Variants in DCC observed in about 807,000 individuals in gnomAD.
DCC encodes DCC netrin 1 receptor, also known as netrin receptor DCC.
Under a neutral mutation model 172.5 loss-of-function variants are expected in DCC, and 58 were observed. The observed-to-expected ratio is 0.34, with a 90% CI of 0.27 to 0.42. The LOEUF is 0.42. DCC is among the 10% of genes least tolerant of loss of function. The pLI is 1.00. For synonymous variants in DCC, 709 were observed against 644.5 expected, an observed-to-expected ratio of 1.10 and a Z score of -1.52; for missense variants, 1,740 against 1,791.0, an observed-to-expected ratio of 0.97 and a Z score of 0.51.
In DCC at chr18:53,028,908, A is replaced by C. The variant is rs189116375; in HGVS notation, c.986-34397A>C. Reference sequence around the variant, plus strand: ...GGCTGAGAATTCTTGGAATGAAGAAAATTACCTTCTTAGAAAGTTTCCCAG... The same window carrying C: ...GGCTGAGAATTCTTGGAATGAAGAACATTACCTTCTTAGAAAGTTTCCCAG... On this transcript the variant is annotated intron_variant, in intron 5 of 28. Transcript: ENST00000442544. Among the ~76,000 whole-genome samples, 542 of 152,294 alleles carry C rather than the reference A, an allele frequency of 3.6e-3. 2 individuals carry two copies. Among genetic ancestry groups the C allele is most frequent in the Middle Eastern group, 0.01 (3 of 294 alleles).
chr18:52,608,051 C>G (rs1047988161), intron 1 of DCC, among the ~76,000 whole-genome samples: 2 of 152,032 alleles, frequency 1.3e-5, no homozygotes, highest in Non-Finnish European at 2.9e-5. Flanking sequence ...ATTTTGAGAG[C>G]AACTTCTTTA....
In DCC at chr18:52,659,363, T is replaced by G. The variant is rs1182971457; in HGVS notation, c.92-92691T>G. Among the ~76,000 whole-genome samples the G allele has an allele frequency of 2.6e-5, 4 of 152,180 alleles. No individual in the cohort carries two copies. In the East Asian group the frequency reaches 7.7e-4, roughly 29 times the overall value. On this transcript the variant is annotated intron_variant, in intron 1 of 28. Coordinates refer to ENST00000442544, the MANE Select transcript of DCC (RefSeq NM_005215.4). ...CAAGTAACCTAAATATATTATTGCC[T>G]GGAGGGAGTTGCTGATTACCTTCCC... is the stretch of plus-strand genomic sequence containing the variant.
At chr18:52,476,682 A>G (rs1024417603) in intron 1 of DCC, among the ~76,000 whole-genome samples, 1 of 152,164 alleles carries the variant, frequency 6.6e-6, no homozygotes, top group African/African-American at 2.4e-5. Flanking sequence ...GGAGCTGTGT[A>G]TGACTCTGGA....
rs545725954 is a variant in DCC at position 53,502,568 on chromosome 18, T to TTACTTTCCTCAAACCGATTGATGAAG, written c.4111+3061_4111+3086dup. Among the ~76,000 whole-genome samples, 19 of 152,320 alleles carry TTACTTTCCTCAAACCGATTGATGAAG rather than the reference T, an allele frequency of 1.2e-4. No homozygotes were observed. In the South Asian group the frequency reaches 3.9e-3, roughly 32 times the overall value. ...ACAAGTTTTGATTCTAAGAAAATCA[T>TTACTTTCCTCAAACCGATTGATGAAG]TACTTTCCTCAAACCGATTGATGAA... On this transcript the variant is annotated intron_variant, in intron 27 of 28. Coordinates refer to ENST00000442544, the MANE Select transcript of DCC (RefSeq NM_005215.4).
chr18:53,521,490 C>T (rs992559398), intron 27 of DCC, among the ~76,000 whole-genome samples: 1 of 152,112 alleles, frequency 6.6e-6, no homozygotes, highest in African/African-American at 2.4e-5. Context: ...ATTCATTTCT[C>T]TGCATGTAAA....
intron 15 of DCC, among the ~76,000 whole-genome samples, chr18:53,382,866 C>A (rs1347127301): frequency 6.6e-6 from 1 of 152,040 alleles, no homozygotes; most frequent in Non-Finnish European, 1.5e-5. Flanking sequence ...GTCTCAATAT[C>A]TTTAACATTA....
At chr18:52,532,877 T>C (rs2032190449) in intron 1 of DCC, among the ~76,000 whole-genome samples, 2 of 152,078 alleles carry the variant, frequency 1.3e-5, no homozygotes, top group African/African-American at 4.8e-5. Context: ...CAACCATCAC[T>C]GCTATCTAAT....
intron 7 of DCC, among the ~76,000 whole-genome samples, chr18:53,132,327 G>T (rs751849526): frequency 6.6e-6 from 1 of 152,038 alleles, no homozygotes; most frequent in Non-Finnish European, 1.5e-5. Flanking sequence ...ATTGAATCCT[G>T]ACTTGGAAAG....
At chr18:52,360,138 T>C (rs549252665) in intron 1 of DCC, among the ~76,000 whole-genome samples, 242 of 152,362 alleles carry the variant, frequency 1.6e-3, no homozygotes, top group Admixed American at 5.4e-3. Context: ...ATTATTGTTA[T>C]TCTCCTCTCT....
At chr18:53,260,463 G>T (rs1347172747) in intron 12 of DCC, among the ~76,000 whole-genome samples, 2 of 152,106 alleles carry the variant, frequency 1.3e-5, no homozygotes, top group Non-Finnish European at 2.9e-5. Flanking sequence ...TTTGCTGGAG[G>T]TCCACTCCAG....
At chr18:53,408,324 A>G (rs1474225856) in intron 19 of DCC, among the ~76,000 whole-genome samples, 2 of 152,168 alleles carry the variant, frequency 1.3e-5, no homozygotes. Context: ...GCAAATTCAA[A>G]TGTTCACCTG....
chr18:52,624,356 C>T (rs750996090), intron 1 of DCC, among the ~76,000 whole-genome samples: 6 of 152,146 alleles, frequency 3.9e-5, no homozygotes, highest in Non-Finnish European at 8.8e-5. Context: ...CATAGTTTTA[C>T]TCAGAATGGA....
At chr18:53,345,293 G>C (rs2057710555) in intron 15 of DCC, among the ~76,000 whole-genome samples, 1 of 151,994 alleles carries the variant, frequency 6.6e-6, no homozygotes, top group Non-Finnish European at 1.5e-5. Context: ...TGCTCTAGGA[G>C]ATACCATATA....
intron 1 of DCC, among the ~76,000 whole-genome samples, chr18:52,497,274 A>ATATATATATATGTAT (rs1211208534): frequency 1.2e-5 from 1 of 84,170 alleles, no homozygotes; most frequent in Non-Finnish European, 2.4e-5. Context: ...AAAAAAAAAA[A>ATATATATATATGTAT]AAAAAAATAT....
At chr18:53,175,106 G>A (rs1183712946) in intron 8 of DCC, among the ~76,000 whole-genome samples, 1 of 151,946 alleles carries the variant, frequency 6.6e-6, no homozygotes, top group East Asian at 1.9e-4. Context: ...TGCAGAAAAA[G>A]CCTTTGACAA....
chr18:52,370,807 G>T (rs897869084), intron 1 of DCC, among the ~76,000 whole-genome samples: 9 of 152,206 alleles, frequency 5.9e-5, no homozygotes, highest in Admixed American at 5.9e-4. Context: ...ACGCTTGAGA[G>T]AAATTGTTTA....
At chr18:52,923,580 G>A (rs989679441) in intron 3 of DCC, 127 bp from the exon 4 acceptor site, 1 of 759,546 alleles carries the variant, frequency 1.3e-6, no homozygotes, top group Admixed American at 2.0e-5. Context: ...TATTTTAGGA[G>A]TTTACAAATT....
intron 1 of DCC, among the ~76,000 whole-genome samples, chr18:52,560,509 G>A (rs1467756890): frequency 6.6e-6 from 1 of 152,160 alleles, no homozygotes; most frequent in Non-Finnish European, 1.5e-5. Flanking sequence ...ATAAACAAGT[G>A]AGCCTGTTTA....
intron 7 of DCC, among the ~76,000 whole-genome samples, chr18:53,131,417 G>T: frequency 1.3e-5 from 2 of 152,174 alleles, no homozygotes; most frequent in South Asian, 4.1e-4. Flanking sequence ...TGCAAAAGTT[G>T]TTACCGACAA....
Sources: gnomAD v4.1 joint callset for allele counts (sites outside exome capture counted in the v4.1 genomes callset) on GRCh38, gnomAD v4.1.1 for gene constraint, MANE v1.5 for transcripts, NCBI Gene and HGNC (gene_info 2026-07-23, HGNC 2026-07-21) for gene names.